The following LAPTM4B variants were observed in gnomAD, a reference collection of about 807,000 sequenced individuals.
LAPTM4B encodes the protein lysosomal protein transmembrane 4 beta.
LAPTM4B carries 26 observed loss-of-function variants against 28.5 expected under a neutral mutation model. That is an observed-to-expected ratio of 0.91 (90% CI 0.67 to 1.27). LAPTM4B has a LOEUF of 1.27. LAPTM4B is among the 50% of genes most tolerant of loss of function. The probability of loss-of-function intolerance (pLI) is 0.00; values close to 1 mark genes in which losing one functional copy is unlikely to be tolerated. For synonymous variants in LAPTM4B, 109 were observed against 106.4 expected (o/e 1.02, Z -0.15); for missense variants, 288 against 285.8 (o/e 1.01, Z -0.06).
At chr8:97,813,710 A>G (rs1028316888) in intron 2 of LAPTM4B, among the ~76,000 whole-genome samples, 1 of 151,602 alleles carries the variant, frequency 6.6e-6, no homozygotes, top group Non-Finnish European at 1.5e-5. Context: ...AATGCATTTT[A>G]TTGTTGTTGT....
intron 5 of LAPTM4B, among the ~76,000 whole-genome samples, chr8:97,820,182 T>A (rs1474510881): frequency 6.6e-6 from 1 of 152,248 alleles, no homozygotes; most frequent in Non-Finnish European, 1.5e-5. Context: ...TTTTTCATCT[T>A]GGTCAATCTG....
intron 1 of LAPTM4B, among the ~76,000 whole-genome samples, chr8:97,800,293 GCT>G (rs1816650377): frequency 6.6e-6 from 1 of 152,072 alleles, no homozygotes; most frequent in African/African-American, 2.4e-5. Context: ...CTTAACACTG[GCT>G]TTAGAAGATC....
intron 1 of LAPTM4B, among the ~76,000 whole-genome samples, chr8:97,781,464 G>A (rs1186979419): frequency 1.3e-5 from 2 of 150,640 alleles, no homozygotes; most frequent in Admixed American, 6.7e-5. Flanking sequence ...TCCTAGTAGA[G>A]ACAGGGTTTC....
chr8:97,842,532 T>A (rs1817365918), intron 6 of LAPTM4B, among the ~76,000 whole-genome samples: 1 of 152,112 alleles, frequency 6.6e-6, no homozygotes, highest in Non-Finnish European at 1.5e-5. Flanking sequence ...TTTGTTTTTG[T>A]TTTTGAGACA....
intron 2 of LAPTM4B, among the ~76,000 whole-genome samples, chr8:97,807,911 A>G (rs2129776081): frequency 6.7e-6 from 1 of 148,636 alleles, no homozygotes. Context: ...AAAAAAAGGA[A>G]AAGTTGGCAT....
intron 2 of LAPTM4B, among the ~76,000 whole-genome samples, chr8:97,806,684 A>G (rs1240984516): frequency 4.6e-5 from 7 of 152,080 alleles, no homozygotes; most frequent in Non-Finnish European, 1.0e-4. Context: ...TTCCCTTGCT[A>G]TTCTTGTGAT....
chr8:97,801,491 A>G (rs988904885), intron 1 of LAPTM4B, among the ~76,000 whole-genome samples: 3 of 152,034 alleles, frequency 2.0e-5, no homozygotes, highest in Admixed American at 1.3e-4. Context: ...TAATTTTTCA[A>G]AGCACATTCT....
chr8:97,842,162 G>A (rs1041393537), intron 6 of LAPTM4B, among the ~76,000 whole-genome samples: 1 of 152,164 alleles, frequency 6.6e-6, no homozygotes, highest in African/African-American at 2.4e-5. Flanking sequence ...GCTAAGTCCC[G>A]ATAAAGCTTT....
intron 6 of LAPTM4B, among the ~76,000 whole-genome samples, chr8:97,835,658 G>C (rs1472042416): frequency 6.6e-6 from 1 of 152,174 alleles, no homozygotes; most frequent in African/African-American, 2.4e-5. Context: ...ATATAACAAG[G>C]TGTCCTTTTT....
chr8:97,833,831 T>C (rs566541992), intron 6 of LAPTM4B, among the ~76,000 whole-genome samples: 30 of 152,328 alleles, frequency 2.0e-4, no homozygotes, highest in African/African-American at 5.8e-4. Flanking sequence ...TGCAATATGA[T>C]CTATAATTCC....
chr8:97,799,496 A>G (rs1816639242), intron 1 of LAPTM4B, among the ~76,000 whole-genome samples: 1 of 152,196 alleles, frequency 6.6e-6, no homozygotes, highest in African/African-American at 2.4e-5. Flanking sequence ...CATGGTTAGC[A>G]TCAGGTGACT....
chr8:97,837,395 G>A (rs561447615), intron 6 of LAPTM4B, among the ~76,000 whole-genome samples: 2 of 151,938 alleles, frequency 1.3e-5, no homozygotes, highest in East Asian at 1.9e-4. Flanking sequence ...GTTTCACCAC[G>A]TTGGCCAGGC....
chr8:97,841,048 A>G (rs1213191102), intron 6 of LAPTM4B, among the ~76,000 whole-genome samples: 20 of 119,530 alleles, frequency 1.7e-4, no homozygotes, highest in Admixed American at 4.2e-4. Flanking sequence ...GGGCAGAGGC[A>G]CTCCTCACTT....
chr8:97,804,374 G>C (rs1816729172), intron 1 of LAPTM4B, among the ~76,000 whole-genome samples: 1 of 152,198 alleles, frequency 6.6e-6, no homozygotes, highest in South Asian at 2.1e-4. Context: ...TTTTGCAGTT[G>C]GTTGAGTGTG....
intron 6 of LAPTM4B, among the ~76,000 whole-genome samples, chr8:97,849,869 G>A (rs1245904452): frequency 6.7e-6 from 1 of 148,900 alleles, no homozygotes; most frequent in Non-Finnish European, 1.5e-5. Context: ...GATCTTGCTG[G>A]CAGTGCTCCC....
intron 6 of LAPTM4B, among the ~76,000 whole-genome samples, chr8:97,831,554 C>T (rs1292489659): frequency 1.3e-5 from 2 of 152,040 alleles, no homozygotes; most frequent in Non-Finnish European, 2.9e-5. Context: ...TTCTAAAAGA[C>T]AGGTGAGAGG....
chr8:97,804,876 T>C (rs186579300), intron 1 of LAPTM4B, among the ~76,000 whole-genome samples: 3 of 152,316 alleles, frequency 2.0e-5, no homozygotes, highest in East Asian at 3.9e-4. Flanking sequence ...TTGCATTCAT[T>C]CTCTGAAACT....
chr8:97,838,942 C>T (rs1197621809), intron 6 of LAPTM4B, among the ~76,000 whole-genome samples: 1 of 152,192 alleles, frequency 6.6e-6, no homozygotes, highest in Non-Finnish European at 1.5e-5. Flanking sequence ...TTGTGCTACA[C>T]AGTCCTGCTT....
chr8:97,819,286 C>T (rs1816968747), intron 5 of LAPTM4B, 48 bp downstream of exon 5: 1 of 1,136,404 alleles, frequency 8.8e-7, no homozygotes, highest in African/African-American at 1.6e-5. Context: ...AAGTGTATTC[C>T]TGAATACCAA....
Sources: gnomAD v4.1 joint callset for allele counts (sites outside exome capture counted in the v4.1 genomes callset) on GRCh38, gnomAD v4.1.1 for gene constraint, MANE v1.5 for transcripts, NCBI Gene and HGNC (gene_info 2026-07-23, HGNC 2026-07-21) for gene names.